The following CDC42BPB variants were observed in gnomAD, a reference collection of about 807,000 sequenced individuals.
CDC42BPB encodes the protein serine/threonine-protein kinase MRCK beta.
A neutral mutation model predicts 214.9 loss-of-function variants in CDC42BPB; 37 were observed. The observed-to-expected ratio is 0.17, with a 90% CI of 0.13 to 0.23. CDC42BPB has a LOEUF of 0.23. Ranked by LOEUF, CDC42BPB falls within the 10% of genes least tolerant of loss-of-function variation. The pLI, the probability that CDC42BPB is intolerant of heterozygous loss-of-function variation, is 1.00. For missense variants in CDC42BPB, 1,694 were observed against 2,227.0 expected, an observed-to-expected ratio of 0.76 and a Z score of 4.82; for synonymous variants, 931 against 884.0, an observed-to-expected ratio of 1.05 and a Z score of -0.94.
chr14:102,954,071 GCTA>G (rs1566854000), intron 23 of CDC42BPB, 124 bp downstream of exon 23: 1 of 702,118 alleles, frequency 1.4e-6, no homozygotes, highest in Non-Finnish European at 2.5e-6. Flanking sequence ...CATGAGGGTC[GCTA>G]CTGTGTGTAT....
In CDC42BPB at chr14:102,944,054, C is replaced by G. The variant is rs759603636; in HGVS notation, c.4245G>C (p.Ser1415=). 2.5e-6 allele frequency: 4 copies of G among 1,613,440 alleles called. No individual in the cohort carries two copies. Among genetic ancestry groups the G allele is most frequent in the Non-Finnish European group, 3.4e-6 (4 of 1,180,012 alleles). The change falls in exon 30 of 37, where the codon TCG becomes TCC. Residue 1415 remains serine, a synonymous_variant. Transcript: ENST00000361246. The surrounding 1 kb of genome is among the most constrained non-coding windows in gnomAD (Gnocchi z 6.6). ...AAGACTGTTGTGAGAGGAACGCAAG[C>G]GAGGGGTCATTGGGATTTACCAGGT... ...PLNLVNPNDP[S]LAFLSQQSFD... is the part of the protein sequence containing the mutation.
Position 102,944,330 on chromosome 14 carries a change from C to T in CDC42BPB, c.3969G>A (p.Pro1323=), listed in dbSNP as rs377099057. The T allele has an allele frequency of 4.2e-5, 67 of 1,613,080 alleles. No individual in the cohort carries two copies. Among genetic ancestry groups the T allele is most frequent in the Admixed American group, 2.3e-4 (14 of 60,024 alleles). ...CCATGAGCTGGCAGCCTTTGGTTTC[C>T]GGAAGCTTGATGTCAAAGCTGCCTT... The part of the protein sequence containing the change: ...GAEGSFDIKL[P]ETKGCQLMAT... Residue 1323 remains proline (P), a synonymous_variant, in exon 30 of 37, where the codon CCG becomes CCA. Coordinates refer to ENST00000361246, the MANE Select transcript of CDC42BPB (RefSeq NM_006035.4). The surrounding 1 kb of genome is among the most constrained non-coding windows in gnomAD (Gnocchi z 6.6).
At chr14:103,034,450 C>T (rs187281437) in intron 1 of CDC42BPB, among the ~76,000 whole-genome samples, 1 of 152,234 alleles carries the variant, frequency 6.6e-6, no homozygotes, top group African/African-American at 2.4e-5. Flanking sequence ...GTATTTTAAG[C>T]ATCATTAAAC....
At chr14:102,967,452 G>T in intron 16 of CDC42BPB, 5 of 638,286 alleles carry the variant, frequency 7.8e-6, no homozygotes, top group Non-Finnish European at 9.8e-6. Flanking sequence ...CCAAACACAT[G>T]ACTCCATTCA....
rs187447622 is a variant in CDC42BPB at position 102,956,642 on chromosome 14, C to T, written c.2902-1954G>A. On this transcript the variant is annotated intron_variant, in intron 21 of 36. Coordinates refer to ENST00000361246, the MANE Select transcript of CDC42BPB (RefSeq NM_006035.4). ...GTTAGGAGTTTGAGACCGGTCTGGG[C>T]AATATAGCAAGAATCCATCTCTACA... Among the ~76,000 whole-genome samples the T allele has an allele frequency of 2.3e-3, 357 of 152,016 alleles. 3 individuals carry two copies. Among genetic ancestry groups the T allele is most frequent in the African/African-American group, 7.9e-3 (328 of 41,476 alleles).
At chr14:102,973,384 T>A (rs764330374) in intron 12 of CDC42BPB, among the ~76,000 whole-genome samples, 1 of 152,232 alleles carries the variant, frequency 6.6e-6, no homozygotes, top group Non-Finnish European at 1.5e-5. Flanking sequence ...AACACGCATA[T>A]AATTGTGTTA....
intron 1 of CDC42BPB, among the ~76,000 whole-genome samples, chr14:103,015,143 T>C (rs1886387047): frequency 6.6e-6 from 1 of 152,114 alleles, no homozygotes; most frequent in Non-Finnish European, 1.5e-5. Flanking sequence ...GGGTGAAGGC[T>C]TGGAGAGGCA....
At chr14:103,019,187 G>A (rs2139665460) in intron 1 of CDC42BPB, among the ~76,000 whole-genome samples, 1 of 152,234 alleles carries the variant, frequency 6.6e-6, no homozygotes, top group South Asian at 2.1e-4. Context: ...TCCCGCCTTG[G>A]CCTCCCAAAG....
Position 102,934,569 on chromosome 14 carries a change from G to A in CDC42BPB, c.5005-726C>T, listed in dbSNP as rs565143341. 5.3e-5 allele frequency among the ~76,000 whole-genome samples: 8 copies of A among 151,994 alleles called. No individual in the cohort carries two copies. The East Asian group carries it at 5.8e-4, about 11-fold the overall frequency. ...AAAACAAAAAAAACAAAAATCAGCC[G>A]GGCACAGTGGTGCGCACCTGCAACC... On this transcript the variant is annotated intron_variant, in intron 36 of 36. Transcript: ENST00000361246.
At chr14:102,958,880 C>T (rs540086542) in intron 21 of CDC42BPB, among the ~76,000 whole-genome samples, 2 of 152,058 alleles carry the variant, frequency 1.3e-5, no homozygotes, top group South Asian at 4.2e-4. Flanking sequence ...GCTATATTGC[C>T]CAGGCTCGTC....
chr14:103,026,517 GTTT>G (rs1205637791), intron 1 of CDC42BPB, among the ~76,000 whole-genome samples: 1 of 151,998 alleles, frequency 6.6e-6, no homozygotes, highest in African/African-American at 2.4e-5. Context: ...AAATCATTCT[GTTT>G]TTTAACTACA....
At position 103,055,275 on chromosome 14, in the gene CDC42BPB, G is replaced by T. The variant is rs1206023877; in HGVS notation, c.175+1724C>A. ...CCTTCTCCACTAAAAATACAAAAAT[G>T]AGCCGGGCATGCTGGTGCGTGCCTG... On this transcript the variant is annotated intron_variant, in intron 1 of 36. Transcript: ENST00000361246. 1.5e-4 allele frequency among the ~76,000 whole-genome samples: 23 copies of T among 152,184 alleles called. 1 individual carries two copies. In the South Asian group the frequency reaches 4.4e-3, roughly 29 times the overall value.
At chr14:102,954,779 A>G (rs1892642796) in intron 21 of CDC42BPB, 91 bp from the exon 22 acceptor site, 2 of 1,510,870 alleles carry the variant, frequency 1.3e-6, no homozygotes, top group African/African-American at 2.8e-5. Context: ...ATAAAAGCAG[A>G]TTCTGTCTAG....
chr14:102,973,963 C>A, intron 12 of CDC42BPB, 53 bp downstream of exon 12: 1 of 1,555,678 alleles, frequency 6.4e-7, no homozygotes, highest in Non-Finnish European at 8.7e-7. Context: ...CGTGACCTTA[C>A]AGAATTCTGC....
chr14:102,980,926 C>T lies in CDC42BPB; in HGVS notation c.987G>A (p.Gly329=). 1 of 1,614,188 alleles carries T rather than the reference C, an allele frequency of 6.2e-7. No homozygotes were observed. Among genetic ancestry groups the T allele is most frequent in the Non-Finnish European group, 8.5e-7 (1 of 1,180,036 alleles). The change falls in exon 8 of 37, where the codon GGG becomes GGA. Residue 329 remains glycine, a synonymous_variant. Coordinates refer to ENST00000361246, the MANE Select transcript of CDC42BPB (RefSeq NM_006035.4). Reference sequence around the variant, plus strand: ...TTTTGAAATCCTCTATTCCATTCTGCCCCAGCCGGCGTTCTCTACTGCAGA... The same window carrying T: ...TTTTGAAATCCTCTATTCCATTCTGTCCCAGCCGGCGTTCTCTACTGCAGA... ...RLICSRERRL[G]QNGIEDFKKH... is the part of the protein sequence containing the mutation.
At chr14:102,997,624 G>T (rs930191085) in intron 5 of CDC42BPB, among the ~76,000 whole-genome samples, 3 of 152,218 alleles carry the variant, frequency 2.0e-5, no homozygotes, top group Non-Finnish European at 2.9e-5. Context: ...TGCATGTCCG[G>T]TACGGAGCTT....
At chr14:103,042,977 T>G (rs1888091135) in intron 1 of CDC42BPB, among the ~76,000 whole-genome samples, 1 of 151,842 alleles carries the variant, frequency 6.6e-6, no homozygotes, top group Non-Finnish European at 1.5e-5. Context: ...ACATTAATGT[T>G]CAGAGAATAG....
At chr14:102,945,967 G>A (rs1372637296) in intron 28 of CDC42BPB, among the ~76,000 whole-genome samples, 2 of 152,128 alleles carry the variant, frequency 1.3e-5, no homozygotes, top group East Asian at 3.9e-4. Flanking sequence ...TCCTGGAGCT[G>A]ACCCTCAGGC....
rs776460509 is a variant in CDC42BPB, at chr14:103,004,068, G to A, written c.352-45C>T. 6.5e-7 allele frequency: 1 copy of A among 1,543,172 alleles called. No individual in the cohort carries two copies. The highest frequency in any genetic ancestry group is 1.8e-5 in the Admixed American group (1 of 54,162). ...GTCAGTCTGTGTTCACTGGGAAGCA[G>A]GCCAGAGAGCGTACTGCCGGTCTCG... is the stretch of plus-strand genomic sequence containing the variant. On this transcript the variant is annotated intron_variant, in intron 3 of 36. Transcript: ENST00000361246. This position sits in a 1 kb window ranked among gnomAD's most constrained non-coding sequence, Gnocchi z 5.3.
Sources: gnomAD v4.1 joint callset for allele counts (sites outside exome capture counted in the v4.1 genomes callset) on GRCh38, gnomAD v4.1.1 for gene constraint, Gnocchi (gnomAD v3.1) non-coding constraint, MANE v1.5 for transcripts, NCBI Gene and HGNC (gene_info 2026-07-23, HGNC 2026-07-21) for gene names.